The following LDB2 variants were observed in gnomAD, a reference collection of about 807,000 sequenced individuals.
LDB2 encodes the protein LIM domain-binding protein 2.
Under a neutral mutation model 44.3 loss-of-function variants are expected in LDB2, and 12 were observed. The observed-to-expected ratio is 0.27, with a 90% CI of 0.17 to 0.44. The LOEUF is 0.44. Ranked by LOEUF, LDB2 falls within the 20% of genes least tolerant of loss-of-function variation. The pLI, the probability that LDB2 is intolerant of heterozygous loss-of-function variation, is 1.00. For synonymous variants in LDB2, 164 were observed against 174.8 expected, an observed-to-expected ratio of 0.94 and a Z score of 0.49; for missense variants, 344 against 473.5, an observed-to-expected ratio of 0.73 and a Z score of 2.54.
chr4:16,791,587 A>G, intron 1 of LDB2, among the ~76,000 whole-genome samples: 1 of 149,916 alleles, frequency 6.7e-6, no homozygotes, highest in East Asian at 2.0e-4. Flanking sequence ...GACAGCCATT[A>G]CAAATAGAAG....
chr4:16,693,322 C>T (rs185493022), intron 2 of LDB2, among the ~76,000 whole-genome samples: 1 of 148,380 alleles, frequency 6.7e-6, no homozygotes, highest in Non-Finnish European at 1.5e-5. Flanking sequence ...GAACTATGGG[C>T]TACTTGTTCC....
intron 1 of LDB2, among the ~76,000 whole-genome samples, chr4:16,793,048 G>C (rs1050767216): frequency 3.9e-5 from 6 of 152,110 alleles, no homozygotes; most frequent in African/African-American, 1.4e-4. Context: ...AGGATTTCAG[G>C]TTATATAAGT....
At chr4:16,535,562 G>A (rs567979444) in intron 5 of LDB2, among the ~76,000 whole-genome samples, 17 of 152,166 alleles carry the variant, frequency 1.1e-4, no homozygotes, top group Non-Finnish European at 1.6e-4. Context: ...CACGGGCTGC[G>A]GAATACACCA....
At chr4:16,655,882 G>A (rs1162336113) in intron 2 of LDB2, among the ~76,000 whole-genome samples, 1 of 121,974 alleles carries the variant, frequency 8.2e-6, no homozygotes, top group Non-Finnish European at 1.8e-5. Context: ...AACGTTGGTT[G>A]TTCTGCAAGA....
At chr4:16,646,171 T>G (rs183842113) in intron 2 of LDB2, among the ~76,000 whole-genome samples, 5 of 152,336 alleles carry the variant, frequency 3.3e-5, no homozygotes, top group Non-Finnish European at 1.5e-5. Flanking sequence ...AAAGCACATC[T>G]CCAAAGACTG....
chr4:16,648,382 G>T (rs1306269820), intron 2 of LDB2, among the ~76,000 whole-genome samples: 1 of 152,144 alleles, frequency 6.6e-6, no homozygotes, highest in Non-Finnish European at 1.5e-5. Context: ...AGACTTTCTG[G>T]GGAAAGAACA....
intron 2 of LDB2, among the ~76,000 whole-genome samples, chr4:16,746,038 C>T (rs1475703725): frequency 6.6e-6 from 1 of 152,126 alleles, no homozygotes; most frequent in African/African-American, 2.4e-5. Flanking sequence ...CACCTGCTCC[C>T]AGGTTTGTAC....
chr4:16,655,685 G>A lies in LDB2; in HGVS notation c.236-59810C>T, dbSNP rs534541377. Among the ~76,000 whole-genome samples the A allele has an allele frequency of 3.9e-5, 6 of 152,198 alleles. No homozygotes were observed. In the South Asian group the frequency reaches 6.2e-4, roughly 16 times the overall value. On this transcript the variant is annotated intron_variant, in intron 2 of 7. Coordinates refer to ENST00000304523, the MANE Select transcript of LDB2 (RefSeq NM_001290.5). The stretch of plus-strand genomic sequence containing the variant: ...TAACAAAAATGAACACATGGAGCCA[G>A]CTTGTGGTAGCCCCTCCTCGATGCC...
chr4:16,823,930 A>G (rs1561355192), intron 1 of LDB2, among the ~76,000 whole-genome samples: 1 of 152,252 alleles, frequency 6.6e-6, no homozygotes, highest in African/African-American at 2.4e-5. Context: ...GATAAAGGCT[A>G]TAAGTGAGGA....
At chr4:16,644,867 T>G (rs2152515728) in intron 2 of LDB2, among the ~76,000 whole-genome samples, 1 of 152,340 alleles carries the variant, frequency 6.6e-6, no homozygotes, top group Non-Finnish European at 1.5e-5. Context: ...TCAAGTAGCT[T>G]TCAGGCACCC....
chr4:16,773,252 G>A (rs1329467573), intron 1 of LDB2, among the ~76,000 whole-genome samples: 1 of 152,196 alleles, frequency 6.6e-6, no homozygotes, highest in African/African-American at 2.4e-5. Context: ...TTTCGTGGAA[G>A]ACAGGTTTTT....
intron 1 of LDB2, among the ~76,000 whole-genome samples, chr4:16,805,936 T>C (rs531780053): frequency 5.0e-4 from 76 of 152,174 alleles, no homozygotes; most frequent in Non-Finnish European, 1.0e-3. Context: ...CCATAGGCTG[T>C]CCTGAAGTGT....
At chr4:16,654,362 T>C (rs1439604440) in intron 2 of LDB2, among the ~76,000 whole-genome samples, 1 of 151,778 alleles carries the variant, frequency 6.6e-6, no homozygotes, top group African/African-American at 2.4e-5. Context: ...AAATTTAGAG[T>C]AAGGCAGGGG....
chr4:16,605,463 T>G (rs1723671757), intron 2 of LDB2, among the ~76,000 whole-genome samples: 1 of 151,912 alleles, frequency 6.6e-6, no homozygotes, highest in South Asian at 2.1e-4. Context: ...GTAATACATG[T>G]GCAAAAAACA....
intron 2 of LDB2, among the ~76,000 whole-genome samples, chr4:16,633,904 C>T (rs1446432888): frequency 6.6e-6 from 1 of 152,120 alleles, no homozygotes; most frequent in African/African-American, 2.4e-5. Context: ...GGTGCTGGTA[C>T]CAAAACAGAT....
At chr4:16,810,993 C>A (rs1476877649) in intron 1 of LDB2, among the ~76,000 whole-genome samples, 1 of 152,160 alleles carries the variant, frequency 6.6e-6, no homozygotes, top group Non-Finnish European at 1.5e-5. Context: ...TGAAACTGTT[C>A]CACCTCAGAT....
chr4:16,779,016 G>T (rs893642837), intron 1 of LDB2, among the ~76,000 whole-genome samples: 2 of 152,120 alleles, frequency 1.3e-5, no homozygotes, highest in Non-Finnish European at 2.9e-5. Flanking sequence ...GGACAATTTC[G>T]AGACAAATGC....
At chr4:16,810,898 T>C (rs960682223) in intron 1 of LDB2, among the ~76,000 whole-genome samples, 3 of 152,142 alleles carry the variant, frequency 2.0e-5, no homozygotes, top group African/African-American at 7.2e-5. Flanking sequence ...ATAGCAACAG[T>C]CCCCAACATT....
At chr4:16,746,877 T>C (rs1056769483) in intron 2 of LDB2, among the ~76,000 whole-genome samples, 1 of 152,326 alleles carries the variant, frequency 6.6e-6, no homozygotes, top group South Asian at 2.1e-4. Context: ...GGTCATCTTC[T>C]CCTCAGGGTT....
Sources: allele counts gnomAD v4.1 joint callset (sites outside exome capture counted in the v4.1 genomes callset), GRCh38; gene constraint gnomAD v4.1.1; transcripts MANE v1.5; gene names NCBI Gene and HGNC (gene_info 2026-07-23, HGNC 2026-07-21).